ODAD2: variants seen among roughly 807,000 people sequenced by gnomAD.
The protein encoded by ODAD2 is outer dynein arm-docking complex subunit 2.
A neutral mutation model predicts 106.8 loss-of-function variants in ODAD2; 89 were observed. That is an observed-to-expected ratio of 0.83 (90% CI 0.70 to 0.99). ODAD2 has a LOEUF of 0.99. Ranked by LOEUF, ODAD2 falls within the 50% of genes least tolerant of loss-of-function variation. The pLI is 0.00. For missense variants in ODAD2, 1,168 were observed against 1,238.5 expected (o/e 0.94, Z 0.85); for synonymous variants, 404 against 436.2 (o/e 0.93, Z 0.92).
chr10:27,971,902 G>T (rs1848888642), intron 7 of ODAD2, among the ~76,000 whole-genome samples: 1 of 152,072 alleles, frequency 6.6e-6, no homozygotes, highest in African/African-American at 2.4e-5. Context: ...ACTGCCAGAA[G>T]ACCTGTGCTA....
intron 19 of ODAD2, among the ~76,000 whole-genome samples, chr10:27,850,511 C>A (rs558240047): frequency 6.6e-6 from 1 of 150,460 alleles, no homozygotes; most frequent in Non-Finnish European, 1.5e-5. Context: ...GAGCTGATAT[C>A]GTACTACTAC....
chr10:27,897,025 T>A (rs1290112875), intron 17 of ODAD2, among the ~76,000 whole-genome samples: 2 of 152,198 alleles, frequency 1.3e-5, no homozygotes, highest in Admixed American at 6.5e-5. Context: ...CTGTACTTAA[T>A]GTACTCTTTT....
chr10:27,947,026 A>T lies in ODAD2; in HGVS notation c.1387-2064T>A, dbSNP rs79853268. Among the ~76,000 whole-genome samples the T allele has an allele frequency of 6.8e-3, 1,028 of 152,290 alleles. 12 individuals carry two copies. Among genetic ancestry groups the T allele is most frequent in the African/African-American group, 0.023 (941 of 41,558 alleles). On this transcript the variant is annotated intron_variant, in intron 10 of 19. Transcript: ENST00000305242. ...CAGCAGGCTGTCCTCCACATTCATG[A>T]TTAAGTTCAGAATGACAAGAGCCTT...
At chr10:27,883,619 A>T (rs983090872) in intron 17 of ODAD2, among the ~76,000 whole-genome samples, 1 of 152,160 alleles carries the variant, frequency 6.6e-6, no homozygotes, top group Non-Finnish European at 1.5e-5. Flanking sequence ...AGTTATTATA[A>T]ACATATTTGC....
At chr10:27,855,387 A>C (rs540705692) in intron 19 of ODAD2, among the ~76,000 whole-genome samples, 4 of 152,272 alleles carry the variant, frequency 2.6e-5, no homozygotes, top group African/African-American at 9.6e-5. Context: ...CTCTATATGT[A>C]GTATATATTC....
intron 16 of ODAD2, among the ~76,000 whole-genome samples, chr10:27,919,854 T>C (rs1590020068): frequency 6.6e-6 from 1 of 152,192 alleles, no homozygotes; most frequent in East Asian, 1.9e-4. Flanking sequence ...ATGAAGGACA[T>C]GTTTTATAAT....
At chr10:27,831,401 G>A (rs1189190751) in intron 19 of ODAD2, among the ~76,000 whole-genome samples, 1 of 152,168 alleles carries the variant, frequency 6.6e-6, no homozygotes, top group African/African-American at 2.4e-5. Context: ...AAGGACAATA[G>A]GAACCATAGC....
chr10:27,971,617 C>G (rs1327193409), intron 7 of ODAD2, among the ~76,000 whole-genome samples: 1 of 152,170 alleles, frequency 6.6e-6, no homozygotes, highest in Non-Finnish European at 1.5e-5. Context: ...GACTAAAACA[C>G]ATCGTATTTA....
chr10:27,907,903 G>A, intron 16 of ODAD2, 126 bp from the exon 17 acceptor site: 1 of 523,192 alleles, frequency 1.9e-6, no homozygotes, highest in South Asian at 2.3e-5. Flanking sequence ...TTTTTTTTTT[G>A]CAAAACTTCA....
intron 19 of ODAD2, among the ~76,000 whole-genome samples, chr10:27,845,065 A>G (rs191583570): frequency 0.018 from 2,806 of 152,282 alleles, 102 homozygotes; most frequent in African/African-American, 0.063. Context: ...TACAGAGAAC[A>G]CCACAAAGAT....
At chr10:27,864,331 C>T (rs1294242498) in intron 17 of ODAD2, among the ~76,000 whole-genome samples, 1 of 147,042 alleles carries the variant, frequency 6.8e-6, no homozygotes, top group Non-Finnish European at 1.5e-5. Context: ...TATTAGAAGA[C>T]CTAATTTGAA....
intron 17 of ODAD2, among the ~76,000 whole-genome samples, chr10:27,876,268 C>T (rs987630503): frequency 1.9e-4 from 29 of 152,152 alleles, no homozygotes; most frequent in African/African-American, 6.0e-4. Flanking sequence ...CCCTGACTCC[C>T]GAGTAGCCTA....
chr10:27,885,729 A>ATTTT (rs1842122062), intron 17 of ODAD2, among the ~76,000 whole-genome samples: 1 of 37,766 alleles, frequency 2.6e-5, no homozygotes, highest in African/African-American at 8.3e-5. Context: ...TATTATATAT[A>ATTTT]AAATATATTA....
intron 19 of ODAD2, among the ~76,000 whole-genome samples, chr10:27,824,471 G>A (rs1409709747): frequency 6.6e-6 from 1 of 152,124 alleles, no homozygotes; most frequent in African/African-American, 2.4e-5. Context: ...TTCTGCCATG[G>A]AATGACCCTT....
intron 17 of ODAD2, among the ~76,000 whole-genome samples, chr10:27,877,068 A>G (rs1841389870): frequency 1.4e-5 from 2 of 144,490 alleles, no homozygotes; most frequent in South Asian, 4.3e-4. Flanking sequence ...TTGAATTGTG[A>G]AAAAAAAAAG....
intron 19 of ODAD2, among the ~76,000 whole-genome samples, chr10:27,812,950 G>A (rs1835856682): frequency 6.6e-6 from 1 of 152,098 alleles, no homozygotes; most frequent in South Asian, 2.1e-4. Flanking sequence ...CAAGCCAACA[G>A]CATACCATGC....
At chr10:27,850,735 GA>G (rs1721663060) in intron 19 of ODAD2, among the ~76,000 whole-genome samples, 1 of 152,046 alleles carries the variant, frequency 6.6e-6, no homozygotes, top group African/African-American at 2.4e-5. Flanking sequence ...TTTAAAAATG[GA>G]AAAAAACTGT....
At chr10:27,894,748 T>C (rs1052394815) in intron 17 of ODAD2, among the ~76,000 whole-genome samples, 1 of 150,116 alleles carries the variant, frequency 6.7e-6, no homozygotes, top group Non-Finnish European at 1.5e-5. Flanking sequence ...AAAAAAATTG[T>C]TGTAGAGGAG....
intron 17 of ODAD2, among the ~76,000 whole-genome samples, chr10:27,892,752 T>C (rs1272061931): frequency 6.6e-6 from 1 of 152,258 alleles, no homozygotes; most frequent in East Asian, 1.9e-4. Flanking sequence ...TGAATCTTTA[T>C]TTCTCTCAAT....
Sources: gnomAD v4.1 joint callset for allele counts (sites outside exome capture counted in the v4.1 genomes callset) on GRCh38, gnomAD v4.1.1 for gene constraint, MANE v1.5 for transcripts, NCBI Gene and HGNC (gene_info 2026-07-23, HGNC 2026-07-21) for gene names.